Variants in ADAMTS2 observed in about 807,000 individuals in gnomAD.
The protein encoded by ADAMTS2 is A disintegrin and metalloproteinase with thrombospondin motifs 2.
Under a neutral mutation model 123.0 loss-of-function variants are expected in ADAMTS2, and 50 were observed. That is an observed-to-expected ratio of 0.41 (90% CI 0.32 to 0.51). ADAMTS2 has a LOEUF of 0.51. Ranked by LOEUF, ADAMTS2 falls within the 20% of genes least tolerant of loss-of-function variation. ADAMTS2 has a pLI of 0.35. For synonymous variants in ADAMTS2, 678 were observed against 695.4 expected (o/e 0.98, Z 0.39); for missense variants, 1,494 against 1,705.2 (o/e 0.88, Z 2.18).
At chr5:179,227,905 C>G (rs943579880) in intron 3 of ADAMTS2, among the ~76,000 whole-genome samples, 1 of 152,084 alleles carries the variant, frequency 6.6e-6, no homozygotes, top group Non-Finnish European at 1.5e-5. Flanking sequence ...GCAGGGGAGG[C>G]AGCGTGTGGA....
intron 2 of ADAMTS2, among the ~76,000 whole-genome samples, chr5:179,287,344 G>C (rs915077847): frequency 3.9e-5 from 6 of 152,214 alleles, no homozygotes; most frequent in South Asian, 2.1e-4. Flanking sequence ...AGTGAGTGCA[G>C]GCGCAGGGAG....
chr5:179,264,924 G>A (rs1766323523), intron 3 of ADAMTS2, among the ~76,000 whole-genome samples: 2 of 124,576 alleles, frequency 1.6e-5, no homozygotes, highest in Admixed American at 8.4e-5. Flanking sequence ...CATGCTGGGC[G>A]GAGCTGAGCG....
intron 2 of ADAMTS2, among the ~76,000 whole-genome samples, chr5:179,311,692 T>C (rs1756836483): frequency 6.6e-6 from 1 of 152,132 alleles, no homozygotes; most frequent in South Asian, 2.1e-4. Flanking sequence ...AGAATCATGT[T>C]AGGTGAGTTT....
At chr5:179,267,211 T>C (rs1354823781) in intron 3 of ADAMTS2, among the ~76,000 whole-genome samples, 3 of 151,718 alleles carry the variant, frequency 2.0e-5, no homozygotes, top group Non-Finnish European at 4.4e-5. Context: ...AGACTGTGGG[T>C]CAGGAGGGGC....
In ADAMTS2 at chr5:179,139,925, G is replaced by T. The variant is rs745886151; in HGVS notation, c.1740C>A (p.Gly580=). The T allele has an allele frequency of 5.6e-6, 9 of 1,611,944 alleles. No individual in the cohort carries two copies. The highest frequency in any genetic ancestry group is 7.6e-6 in the Non-Finnish European group (9 of 1,179,992). The change falls in exon 11 of 22, where the codon GGC becomes GGA. Residue 580 remains glycine (G), a synonymous_variant. Coordinates refer to ENST00000251582, the MANE Select transcript of ADAMTS2 (RefSeq NM_014244.5). ...CACACTGGCGGGTCCTGAACTTCAC[G>T]CCCGTGCCACAGGTACGTGAGCAGG... ...FGSCSRTCGT[G]VKFRTRQCDN...
chr5:179,199,627 T>TG (rs1056337114), intron 4 of ADAMTS2, among the ~76,000 whole-genome samples: 1 of 152,126 alleles, frequency 6.6e-6, no homozygotes, highest in African/African-American at 2.4e-5. Context: ...CCCTTCCTGC[T>TG]GGGGGTGCAC....
intron 2 of ADAMTS2, among the ~76,000 whole-genome samples, chr5:179,324,641 T>G (rs1274538183): frequency 6.6e-6 from 1 of 152,236 alleles, no homozygotes; most frequent in Non-Finnish European, 1.5e-5. Flanking sequence ...TCCTCCTGCC[T>G]TGGCCTCCCA....
In ADAMTS2 at chr5:179,117,648, G is replaced by A. The variant is rs1762685780; in HGVS notation, c.3179-3324C>T. On this transcript the variant is annotated intron_variant, in intron 21 of 21. Transcript: ENST00000251582. The surrounding 1 kb of genome is among the most constrained non-coding windows in gnomAD (Gnocchi z 4.2). ...GCTCACTGCAACCTCCGCCTCCTGG[G>A]TTCAAGAGCCTCCCGAGTAGCTGGG... Among the ~76,000 whole-genome samples, 1 of 151,932 alleles carries A rather than the reference G, an allele frequency of 6.6e-6. No individual in the cohort carries two copies. Among genetic ancestry groups the A allele is most frequent in the Admixed American group, 6.6e-5 (1 of 15,254 alleles).
At chr5:179,223,472 TCACA>T (rs1031475449) in intron 3 of ADAMTS2, among the ~76,000 whole-genome samples, 3 of 135,962 alleles carry the variant, frequency 2.2e-5, no homozygotes, top group Non-Finnish European at 3.2e-5. Flanking sequence ...ACGAATGCAC[TCACA>T]CACAAATGGA....
chr5:179,187,726 A>G (rs939036915), intron 4 of ADAMTS2, among the ~76,000 whole-genome samples: 1 of 152,118 alleles, frequency 6.6e-6, no homozygotes, highest in African/African-American at 2.4e-5. Flanking sequence ...GTCCTTGAGT[A>G]CTGTCTGAGA....
chr5:179,184,621 C>T lies in ADAMTS2; in HGVS notation c.892-3466G>A, dbSNP rs189430451. 2.0e-5 allele frequency among the ~76,000 whole-genome samples: 3 copies of T among 152,230 alleles called. No homozygotes were observed. In the East Asian group the frequency reaches 5.8e-4, roughly 29 times the overall value. On this transcript the variant is annotated intron_variant, in intron 4 of 21. Transcript: ENST00000251582. The stretch of plus-strand genomic sequence containing the variant: ...TCCACACAGACCCTCAGCACAGCCA[C>T]GGGCCCCTCACAGGCTCTCAATGGG...
chr5:179,158,692 G>A lies in ADAMTS2; in HGVS notation c.1132+31C>T, dbSNP rs770474278. ...GCCAGGGGCTCATTTCCAGCTTCAC[G>A]CCTCTGTGGCCCTGCATGGGTGAGG... On this transcript the variant is annotated intron_variant, in intron 6 of 21. Transcript: ENST00000251582. The surrounding 1 kb of genome is among the most constrained non-coding windows in gnomAD (Gnocchi z 5.0). The A allele has an allele frequency of 2.4e-5, 39 of 1,613,686 alleles. No individual in the cohort carries two copies. The highest frequency in any genetic ancestry group is 2.9e-5 in the Non-Finnish European group (34 of 1,179,984).
intron 10 of ADAMTS2, among the ~76,000 whole-genome samples, chr5:179,150,085 C>G (rs1295719818): frequency 6.6e-6 from 1 of 152,144 alleles, no homozygotes; most frequent in Non-Finnish European, 1.5e-5. Context: ...AGCTGGGGTG[C>G]AGGCCAGCCA....
intron 3 of ADAMTS2, among the ~76,000 whole-genome samples, chr5:179,238,369 G>A (rs750348876): frequency 6.6e-6 from 1 of 152,218 alleles, no homozygotes; most frequent in Non-Finnish European, 1.5e-5. Flanking sequence ...GCAGCTCCCT[G>A]CTCTGTGGAG....
At chr5:179,264,566 C>A (rs1766311984) in intron 3 of ADAMTS2, among the ~76,000 whole-genome samples, 1 of 152,248 alleles carries the variant, frequency 6.6e-6, no homozygotes, top group Non-Finnish European at 1.5e-5. Context: ...TGTCTGCATG[C>A]CAGGGACTGT....
At chr5:179,232,038 G>A (rs756954748) in intron 3 of ADAMTS2, among the ~76,000 whole-genome samples, 7 of 152,116 alleles carry the variant, frequency 4.6e-5, no homozygotes, top group Non-Finnish European at 7.3e-5. Context: ...AGTTGCCTCC[G>A]CATTCTGTCT....
chr5:179,306,864 A>G (rs999106460), intron 2 of ADAMTS2, among the ~76,000 whole-genome samples: 4 of 152,214 alleles, frequency 2.6e-5, no homozygotes, highest in Non-Finnish European at 4.4e-5. Flanking sequence ...CGAGTCTCAT[A>G]GCACCAAGTG....
At chr5:179,252,598 T>C (rs1765955718) in intron 3 of ADAMTS2, among the ~76,000 whole-genome samples, 1 of 152,192 alleles carries the variant, frequency 6.6e-6, no homozygotes, top group African/African-American at 2.4e-5. Flanking sequence ...GGGCTATTAA[T>C]TTCTCTCTCA....
rs1762985676 is a variant in ADAMTS2 at position 179,132,689 on chromosome 5, C to G, written c.2209+88G>C. On this transcript the variant is annotated intron_variant, in intron 14 of 21. Coordinates refer to ENST00000251582, the MANE Select transcript of ADAMTS2 (RefSeq NM_014244.5). This position sits in a 1 kb window ranked among gnomAD's most constrained non-coding sequence, Gnocchi z 6.1. ...CCAGAACAGTCATAAGCCCGGACAGCCCCAGGATGAGTCAGGCCCTCAGCT... is the reference window on the plus strand; with the variant it reads ...CCAGAACAGTCATAAGCCCGGACAGGCCCAGGATGAGTCAGGCCCTCAGCT... 2 of 1,584,490 alleles carry G rather than the reference C, an allele frequency of 1.3e-6. No homozygotes were observed. Among genetic ancestry groups the G allele is most frequent in the Non-Finnish European group, 1.7e-6 (2 of 1,155,160 alleles).
Sources: allele counts gnomAD v4.1 joint callset (sites outside exome capture counted in the v4.1 genomes callset), GRCh38; gene constraint gnomAD v4.1.1; non-coding constraint Gnocchi (gnomAD v3.1); transcripts MANE v1.5; gene names NCBI Gene and HGNC (gene_info 2026-07-23, HGNC 2026-07-21).